LRRC7: variants seen among roughly 807,000 people sequenced by gnomAD.
The protein encoded by LRRC7 is leucine rich repeat containing 7, also known as leucine-rich repeat-containing protein 7.
Under a neutral mutation model 175.7 loss-of-function variants are expected in LRRC7, and 23 were observed. That is an observed-to-expected ratio of 0.13 (90% CI 0.09 to 0.19). The LOEUF (loss-of-function observed/expected upper bound fraction) is 0.19. Among genes scored for constraint, LRRC7 ranks in the 10% least tolerant of loss-of-function variants. LRRC7 has a pLI of 1.00. For missense variants in LRRC7, 1,354 were observed against 1,904.7 expected (o/e 0.71, Z 5.38); for synonymous variants, 685 against 680.9 (o/e 1.01, Z -0.09).
Position 70,126,903 on chromosome 1 carries a change from G to A in LRRC7, c.*5016G>A, listed in dbSNP as rs149985855. Among the ~76,000 whole-genome samples the A allele has an allele frequency of 2.0e-4, 30 of 152,252 alleles. No homozygotes were observed. In the East Asian group the frequency reaches 2.5e-3, roughly 13 times the overall value. On this transcript the variant is annotated 3_prime_UTR_variant, in exon 27 of 27. Coordinates refer to ENST00000651989, the MANE Select transcript of LRRC7 (RefSeq NM_001370785.2). ...TTGCTGCAGTTGCTGCTATAGATCC[G>A]TCCCTCCAACTCCCCATGTTTTTCC...
At chr1:69,635,629 G>T (rs1247922766) in intron 1 of LRRC7, among the ~76,000 whole-genome samples, 1 of 151,844 alleles carries the variant, frequency 6.6e-6, no homozygotes, top group Non-Finnish European at 1.5e-5. Flanking sequence ...TTATTTTACA[G>T]ACCACATTTT....
chr1:69,671,547 T>C (rs1659079196), intron 1 of LRRC7, among the ~76,000 whole-genome samples: 1 of 152,162 alleles, frequency 6.6e-6, no homozygotes, highest in Non-Finnish European at 1.5e-5. Context: ...CCACTGGCGC[T>C]GAGCCCAGTT....
chr1:69,581,207 T>C (rs1338032786), intron 1 of LRRC7, among the ~76,000 whole-genome samples: 1 of 152,230 alleles, frequency 6.6e-6, no homozygotes, highest in Admixed American at 6.5e-5. Flanking sequence ...TGTGAATTGA[T>C]TGACATTTTT....
At chr1:69,995,108 G>A (rs948324625) in intron 11 of LRRC7, among the ~76,000 whole-genome samples, 1 of 152,104 alleles carries the variant, frequency 6.6e-6, no homozygotes, top group African/African-American at 2.4e-5. Context: ...AAAAGCATCT[G>A]CTTTAGCTAG....
chr1:69,872,890 C>G (rs533388751), intron 7 of LRRC7, among the ~76,000 whole-genome samples: 1 of 152,186 alleles, frequency 6.6e-6, no homozygotes, highest in Middle Eastern at 3.4e-3. Flanking sequence ...AGATCTTTTT[C>G]AAACACTATG....
rs764436176 is a variant in LRRC7, at chr1:70,135,167, G to C, written c.*13280G>C. 6.6e-6 allele frequency among the ~76,000 whole-genome samples: 1 copy of C among 151,720 alleles called. No individual in the cohort carries two copies. Among genetic ancestry groups the C allele is most frequent in the Non-Finnish European group, 1.5e-5 (1 of 67,968 alleles). ...CAGATTTTTGGTATCCACTATTAGC[G>C]AAGTATTTTTTTCTTTGTCTTCTAT... is the stretch of plus-strand genomic sequence containing the variant. On this transcript the variant is annotated 3_prime_UTR_variant, in exon 27 of 27. Transcript: ENST00000651989.
chr1:69,947,948 A>G (rs1293526082), intron 8 of LRRC7, among the ~76,000 whole-genome samples: 1 of 152,086 alleles, frequency 6.6e-6, no homozygotes, highest in Non-Finnish European at 1.5e-5. Flanking sequence ...CTCTCTCAAA[A>G]TATCTTATTG....
At position 69,921,921 on chromosome 1, in the gene LRRC7, C is replaced by CTGTT. The variant is rs149881011; in HGVS notation, c.648-9567_648-9564dup. ...TTTCTTATCAATTCTTACATTCATT[C>CTGTT]TGTTTGTTTGTTTGTTTGTTTGAGA... On this transcript the variant is annotated intron_variant, in intron 7 of 26. Coordinates refer to ENST00000651989, the MANE Select transcript of LRRC7 (RefSeq NM_001370785.2). Among the ~76,000 whole-genome samples the CTGTT allele has an allele frequency of 8.3e-3, 1,255 of 151,928 alleles. 15 individuals are homozygous for CTGTT. The highest frequency in any genetic ancestry group is 0.027 in the African/African-American group (1,120 of 41,422).
chr1:69,606,305 G>A (rs1647555283), intron 1 of LRRC7, among the ~76,000 whole-genome samples: 1 of 152,050 alleles, frequency 6.6e-6, no homozygotes, highest in Non-Finnish European at 1.5e-5. Flanking sequence ...TAATTATGAT[G>A]TCATACATTT....
intron 23 of LRRC7, among the ~76,000 whole-genome samples, chr1:70,058,026 T>C (rs895163097): frequency 6.6e-6 from 1 of 151,786 alleles, no homozygotes; most frequent in African/African-American, 2.4e-5. Flanking sequence ...TTTTTTTTTT[T>C]TTTGGCAGAG....
intron 24 of LRRC7, among the ~76,000 whole-genome samples, chr1:70,089,158 T>A (rs1025186952): frequency 1.3e-5 from 2 of 152,156 alleles, no homozygotes; most frequent in African/African-American, 4.8e-5. Context: ...ACTGAGCATT[T>A]CATTTTTCCT....
chr1:69,930,231 C>G (rs1211270408), intron 7 of LRRC7, among the ~76,000 whole-genome samples: 1 of 152,030 alleles, frequency 6.6e-6, no homozygotes, highest in Non-Finnish European at 1.5e-5. Context: ...CTCTGCCATA[C>G]CCCAGATCAG....
chr1:69,710,211 G>A (rs558510982), intron 2 of LRRC7, among the ~76,000 whole-genome samples: 7 of 148,898 alleles, frequency 4.7e-5, no homozygotes, highest in East Asian at 3.9e-4. Flanking sequence ...CCCTGGAGGC[G>A]GAGGTTGCAG....
chr1:70,005,064 C>T (rs1204285697), intron 11 of LRRC7, among the ~76,000 whole-genome samples: 3 of 151,896 alleles, frequency 2.0e-5, no homozygotes, highest in African/African-American at 7.3e-5. Flanking sequence ...TAACAGACCA[C>T]TTTAATGGGA....
chr1:69,972,204 T>C (rs1456248438), intron 8 of LRRC7, among the ~76,000 whole-genome samples: 1 of 152,220 alleles, frequency 6.6e-6, no homozygotes, highest in Admixed American at 6.5e-5. Flanking sequence ...CTTCTAGATA[T>C]TGGCTTAGGC....
chr1:70,025,833 G>T (rs531784379), intron 17 of LRRC7, among the ~76,000 whole-genome samples: 10 of 105,120 alleles, frequency 9.5e-5, no homozygotes, highest in African/African-American at 4.8e-4. Flanking sequence ...TCAATTTAAG[G>T]GGGGGGGGGT....
At chr1:69,709,779 T>C (rs1224153520) in intron 2 of LRRC7, among the ~76,000 whole-genome samples, 1 of 152,196 alleles carries the variant, frequency 6.6e-6, no homozygotes, top group East Asian at 1.9e-4. Context: ...ATAAGAAATA[T>C]TGAGTATGAG....
chr1:70,120,406 A>G (rs1405258127), intron 26 of LRRC7, among the ~76,000 whole-genome samples: 1 of 152,024 alleles, frequency 6.6e-6, no homozygotes, highest in Non-Finnish European at 1.5e-5. Context: ...CAGATTTACT[A>G]TGGTTTACAA....
intron 8 of LRRC7, among the ~76,000 whole-genome samples, chr1:69,971,265 T>C (rs569037843): frequency 1.3e-5 from 2 of 152,188 alleles, no homozygotes; most frequent in Admixed American, 6.5e-5. Flanking sequence ...TAGTATTATG[T>C]TGAAGCCAGA....
Sources: gnomAD v4.1 joint callset for allele counts (sites outside exome capture counted in the v4.1 genomes callset) on GRCh38, gnomAD v4.1.1 for gene constraint, MANE v1.5 for transcripts, NCBI Gene and HGNC (gene_info 2026-07-23, HGNC 2026-07-21) for gene names.